CNST: variants seen among roughly 807,000 people sequenced by gnomAD.
The protein encoded by CNST is consortin, connexin sorting protein, also known as consortin.
Under a neutral mutation model 72.4 loss-of-function variants are expected in CNST, and 39 were observed. The ratio of observed to expected loss-of-function variants is 0.54; its 90% confidence interval spans 0.42 to 0.70. The LOEUF (loss-of-function observed/expected upper bound fraction) is 0.70. Among genes scored for constraint, CNST ranks in the 30% least tolerant of loss-of-function variants. CNST has a pLI of 0.00. For synonymous variants in CNST, 332 were observed against 320.1 expected (o/e 1.04, Z -0.40); for missense variants, 871 against 868.5 (o/e 1.00, Z -0.04).
intron 1 of CNST, among the ~76,000 whole-genome samples, chr1:246,577,761 G>T (rs925670158): frequency 6.6e-6 from 1 of 152,040 alleles, no homozygotes; most frequent in Non-Finnish European, 1.5e-5. Flanking sequence ...ATTTGACCCT[G>T]GCCTAATTCC....
chr1:246,635,512 C>T (rs1046021371), intron 6 of CNST, among the ~76,000 whole-genome samples: 9 of 152,070 alleles, frequency 5.9e-5, no homozygotes, highest in Non-Finnish European at 1.2e-4. Flanking sequence ...ATGTTTGAAG[C>T]GATTTCTAGA....
intron 1 of CNST, among the ~76,000 whole-genome samples, chr1:246,570,422 A>G (rs547093511): frequency 7.2e-5 from 11 of 152,344 alleles, no homozygotes; most frequent in Admixed American, 5.9e-4. Context: ...ATCTACATTA[A>G]TAGCTAAATT....
At chr1:246,589,348 A>T (rs937762199) in intron 1 of CNST, among the ~76,000 whole-genome samples, 1 of 144,428 alleles carries the variant, frequency 6.9e-6, no homozygotes, top group Non-Finnish European at 1.5e-5. Flanking sequence ...CCCACCTATG[A>T]GTGAGAACAT....
intron 3 of CNST, among the ~76,000 whole-genome samples, chr1:246,630,138 T>C (rs1664682838): frequency 2.6e-5 from 4 of 152,314 alleles, no homozygotes; most frequent in African/African-American, 9.6e-5. Context: ...GTCCATCACA[T>C]TGGTAGCTTG....
At chr1:246,617,022 A>G (rs1572183934) in intron 2 of CNST, among the ~76,000 whole-genome samples, 1 of 152,126 alleles carries the variant, frequency 6.6e-6, no homozygotes, top group African/African-American at 2.4e-5. Flanking sequence ...ACAATTCACA[A>G]TTGTCAACTC....
At chr1:246,635,873 T>G (rs900537248) in intron 6 of CNST, among the ~76,000 whole-genome samples, 2 of 152,102 alleles carry the variant, frequency 1.3e-5, no homozygotes, top group African/African-American at 4.8e-5. Flanking sequence ...TTAAGGACCG[T>G]TTTTCTCTGG....
intron 2 of CNST, among the ~76,000 whole-genome samples, chr1:246,611,103 A>G (rs1306001343): frequency 6.6e-6 from 1 of 152,100 alleles, no homozygotes; most frequent in African/African-American, 2.4e-5. Context: ...AAACACAGTG[A>G]TTTGCAAGTA....
chr1:246,632,023 G>T (rs1340741525), intron 4 of CNST, 99 bp downstream of exon 4: 14 of 732,930 alleles, frequency 1.9e-5, no homozygotes, highest in Non-Finnish European at 2.8e-5. Context: ...AGAATGTACA[G>T]ATCATATGGT....
chr1:246,634,022 C>G lies in CNST; in HGVS notation c.703+12C>G. ...TCAAGAACAGTGGGGTAAGTACAGA[C>G]CAACATGGAATGTGGAATTAGCAGT... On this transcript the variant is annotated intron_variant, in intron 5 of 10. Transcript: ENST00000366513. 6.4e-7 allele frequency: 1 copy of G among 1,550,432 alleles called. No individual in the cohort carries two copies. Among genetic ancestry groups the G allele is most frequent in the South Asian group, 1.1e-5 (1 of 89,138 alleles).
intron 9 of CNST, among the ~76,000 whole-genome samples, chr1:246,650,590 ATTGTGGG>A (rs912913972): frequency 6.6e-6 from 1 of 151,760 alleles, no homozygotes; most frequent in Non-Finnish European, 1.5e-5. Context: ...TATCCAGGCA[ATTGTGGG>A]TTTGCTTATA....
In CNST at chr1:246,648,413, T is replaced by C. The variant is rs1253418002; in HGVS notation, c.1836+376T>C. Among the ~76,000 whole-genome samples the C allele has an allele frequency of 2.0e-5, 3 of 152,198 alleles. 1 individual carries two copies. The highest frequency in any genetic ancestry group is 4.1e-4 in the South Asian group (2 of 4,830). ...TCTCATACATCTAGCAGATAAAATA[T>C]GATATGTACTTACTGTTTCTTCCTC... On this transcript the variant is annotated intron_variant, in intron 9 of 10. Transcript: ENST00000366513.
chr1:246,608,138 TAGAG>T (rs1408638164), intron 2 of CNST: 2 of 151,928 alleles, frequency 1.3e-5, no homozygotes, highest in East Asian at 3.9e-4. Context: ...CTGGAAAACA[TAGAG>T]AACCTGTCTC....
At chr1:246,570,531 G>A (rs1660003906) in intron 1 of CNST, among the ~76,000 whole-genome samples, 1 of 152,200 alleles carries the variant, frequency 6.6e-6, no homozygotes, top group African/African-American at 2.4e-5. Context: ...TACCTGGTCA[G>A]TGAACAAACT....
intron 3 of CNST, among the ~76,000 whole-genome samples, chr1:246,623,142 A>C (rs992094052): frequency 6.6e-6 from 1 of 152,242 alleles, no homozygotes; most frequent in Admixed American, 6.5e-5. Flanking sequence ...ATTTTTACAT[A>C]AAATGAAATT....
In CNST at chr1:246,566,464, G is replaced by T. The variant is rs770181134; in HGVS notation, c.-251G>T. 3.6e-5 allele frequency: 16 copies of T among 439,698 alleles called. No homozygotes were observed. Among genetic ancestry groups the T allele is most frequent in the Non-Finnish European group, 6.1e-5 (15 of 247,462 alleles). The allele number at this position is 439,698 out of a possible 1,614,324, so 27.2% of individuals were successfully genotyped here. A position where few individuals can be genotyped will look rare whatever the true frequency, so the allele number is the denominator to read the frequency against. On this transcript the variant is annotated 5_prime_UTR_variant, in exon 1 of 11. Transcript: ENST00000366513. ...CCAGTGCTCTATGCTCCGCGGTCGC[G>T]GGCCGCCAGCCTCCAGCCGGCCAGC...
chr1:246,611,417 G>A (rs796396580), intron 2 of CNST, among the ~76,000 whole-genome samples: 1 of 152,242 alleles, frequency 6.6e-6, no homozygotes, highest in African/African-American at 2.4e-5. Flanking sequence ...GACACTCAAG[G>A]CCTTTTCATT....
At position 246,641,944 on chromosome 1, in the gene CNST, G is replaced by A; in HGVS notation, c.844G>A (p.Ala282Thr). 6.2e-7 allele frequency: 1 copy of A among 1,606,394 alleles called. No homozygotes were observed. Among genetic ancestry groups the A allele is most frequent in the South Asian group, 1.1e-5 (1 of 89,498 alleles). The part of the protein sequence containing the change: ...QDPLLSKHKI[A>T]AVEKSQERKC... Reference sequence around the variant, plus strand: ...TTTCTTGTTTTAAACTTTTTAGATAGCAGCTGTGGAGAAGTCCCAGGAAAG... The same window carrying A: ...TTTCTTGTTTTAAACTTTTTAGATAACAGCTGTGGAGAAGTCCCAGGAAAG... Residue 282 changes from alanine to threonine, a missense_variant, in exon 8 of 11, where the codon GCA becomes ACA. Ala to Thr is a moderately conservative substitution (Grantham distance 58). Coordinates refer to ENST00000366513, the MANE Select transcript of CNST (RefSeq NM_152609.3).
intron 1 of CNST, among the ~76,000 whole-genome samples, chr1:246,571,464 T>C (rs1301112768): frequency 2.0e-5 from 3 of 152,202 alleles, no homozygotes; most frequent in Non-Finnish European, 4.4e-5. Flanking sequence ...GGTTTTTATC[T>C]TAGTTTTGAG....
intron 2 of CNST, among the ~76,000 whole-genome samples, chr1:246,610,706 G>A (rs1663258560): frequency 6.6e-6 from 1 of 151,984 alleles, no homozygotes; most frequent in African/African-American, 2.4e-5. Flanking sequence ...TTAACACTTA[G>A]CCAGGTCATC....
Sources: allele counts gnomAD v4.1 joint callset (sites outside exome capture counted in the v4.1 genomes callset), GRCh38; gene constraint gnomAD v4.1.1; transcripts MANE v1.5; gene names NCBI Gene and HGNC (gene_info 2026-07-23, HGNC 2026-07-21).